ACTR3C: variants seen among roughly 807,000 people sequenced by gnomAD.
The protein encoded by ACTR3C is actin related protein 3C.
A neutral mutation model predicts 26.3 loss-of-function variants in ACTR3C; 18 were observed. The ratio of observed to expected loss-of-function variants is 0.68; its 90% CI spans 0.47 to 1.01. The LOEUF is 1.01. Ranked by LOEUF, ACTR3C falls within the 50% of genes least tolerant of loss-of-function variation. The pLI is 0.00. For synonymous variants in ACTR3C, 55 were observed against 94.5 expected, an observed-to-expected ratio of 0.58 and a Z score of 2.42; for missense variants, 184 against 250.7, an observed-to-expected ratio of 0.73 and a Z score of 1.80.
At chr7:150,021,019 C>T in the ACTR3C span, among the ~76,000 whole-genome samples, 1 of 152,024 alleles carries the variant, frequency 6.6e-6, no homozygotes, top group Non-Finnish European at 1.5e-5. Flanking sequence ...CAGGGTTTCA[C>T]CGTTTTGGCG....
the ACTR3C span, chr7:150,001,039 C>G: frequency 6.6e-6 from 1 of 152,554 alleles, no homozygotes; most frequent in African/African-American, 2.4e-5. Flanking sequence ...AATGGCAGCG[C>G]CAGAGCCGTG....
At chr7:150,036,960 C>T in the ACTR3C span, among the ~76,000 whole-genome samples, 7 of 75,372 alleles carry the variant, frequency 9.3e-5, no homozygotes, top group East Asian at 3.2e-4. Flanking sequence ...GAACCAGGGG[C>T]TGGCTCTCAG....
Position 150,312,406 on chromosome 7 carries a change from T to A in ACTR3C, c.-52+11063A>T, listed in dbSNP as rs530044589. Among the ~76,000 whole-genome samples the A allele has an allele frequency of 2.0e-5, 3 of 152,356 alleles. No individual in the cohort carries two copies. The South Asian group carries it at 6.2e-4, about 32-fold the overall frequency. On this transcript the variant is annotated intron_variant, in intron 1 of 7. Coordinates refer to ENST00000683684, the MANE Select transcript of ACTR3C (RefSeq NM_001164458.2). ...TCACACCTATGGGAAAAGGGTAATA[T>A]AATAGATCATTGGCTTAACAACAGG...
At chr7:150,289,353 G>C (rs554030619) in intron 4 of ACTR3C, 97 bp downstream of exon 4, 18 of 1,446,768 alleles carry the variant, frequency 1.2e-5, no homozygotes, top group Non-Finnish European at 1.6e-5. Flanking sequence ...AAGGGGAGAG[G>C]ATGGAAAGGA....
chr7:150,308,594 C>A (rs1260942462), intron 1 of ACTR3C, among the ~76,000 whole-genome samples: 1 of 152,106 alleles, frequency 6.6e-6, no homozygotes, highest in East Asian at 1.9e-4. Context: ...TCTACCCCAA[C>A]CTCAGAGTCT....
the ACTR3C span, among the ~76,000 whole-genome samples, chr7:149,911,457 G>T: frequency 6.6e-6 from 1 of 152,024 alleles, no homozygotes; most frequent in Non-Finnish European, 1.5e-5. Context: ...ACTGGCACAT[G>T]GCAAATACTC....
At chr7:150,305,369 T>A (rs1350047530) in intron 1 of ACTR3C, among the ~76,000 whole-genome samples, 1 of 152,140 alleles carries the variant, frequency 6.6e-6, no homozygotes, top group Non-Finnish European at 1.5e-5. Context: ...TCACCTCACA[T>A]GGGGTCATCT....
the ACTR3C span, among the ~76,000 whole-genome samples, chr7:149,990,007 C>T: frequency 6.6e-6 from 1 of 152,224 alleles, no homozygotes; most frequent in Non-Finnish European, 1.5e-5. Context: ...TGAAAGCACT[C>T]GGCGTCAGTG....
the ACTR3C span, among the ~76,000 whole-genome samples, chr7:149,981,762 G>A: frequency 2.0e-5 from 3 of 152,114 alleles, no homozygotes; most frequent in African/African-American, 4.8e-5. Context: ...GGGGCAGCCC[G>A]AGAGAGCTGG....
the ACTR3C span, among the ~76,000 whole-genome samples, chr7:149,913,885 C>CT: frequency 0.4 from 29,882 of 74,514 alleles, 6,061 homozygotes; most frequent in South Asian, 0.57. Context: ...CTCATATGTC[C>CT]CTTTTTTTTT....
At chr7:150,097,376 A>G in the ACTR3C span, among the ~76,000 whole-genome samples, 1 of 151,562 alleles carries the variant, frequency 6.6e-6, no homozygotes, top group African/African-American at 2.4e-5. Context: ...GTTATTGGGG[A>G]CACACACATT....
At chr7:149,983,124 A>ATG in the ACTR3C span, among the ~76,000 whole-genome samples, 1 of 152,180 alleles carries the variant, frequency 6.6e-6, no homozygotes, top group African/African-American at 2.4e-5. Context: ...ACAACTCAAA[A>ATG]TATATTAAAG....
the ACTR3C span, among the ~76,000 whole-genome samples, chr7:150,069,874 G>A: frequency 1.3e-5 from 2 of 150,856 alleles, no homozygotes; most frequent in East Asian, 3.9e-4. Context: ...TGTGTGAGTA[G>A]TCACCAGGGA....
chr7:150,071,271 C>T, the ACTR3C span, among the ~76,000 whole-genome samples: 12 of 151,188 alleles, frequency 7.9e-5, no homozygotes, highest in African/African-American at 2.9e-4. Flanking sequence ...CTACAGGCGC[C>T]CGCCACCGCG....
At chr7:150,031,437 A>G in the ACTR3C span, among the ~76,000 whole-genome samples, 3 of 152,078 alleles carry the variant, frequency 2.0e-5, no homozygotes, top group Non-Finnish European at 4.4e-5. Flanking sequence ...GCTTCTTAGG[A>G]GGATAAAACA....
the ACTR3C span, chr7:150,002,689 C>T: frequency 7.6e-4 from 115 of 152,288 alleles, no homozygotes; most frequent in African/African-American, 2.7e-3. Flanking sequence ...AGCTAGGATT[C>T]AATATACATA....
At chr7:150,317,431 C>T (rs1047661516) in intron 1 of ACTR3C, among the ~76,000 whole-genome samples, 2 of 152,182 alleles carry the variant, frequency 1.3e-5, no homozygotes, top group African/African-American at 4.8e-5. Flanking sequence ...TAAACCCACA[C>T]ACCTTACTGA....
At chr7:150,017,777 T>G in the ACTR3C span, among the ~76,000 whole-genome samples, 1 of 150,096 alleles carries the variant, frequency 6.7e-6, no homozygotes, top group East Asian at 1.9e-4. Context: ...GTCCCCAGAA[T>G]CACTCACTCT....
At chr7:150,145,184 C>T in the ACTR3C span, among the ~76,000 whole-genome samples, 2 of 149,838 alleles carry the variant, frequency 1.3e-5, no homozygotes, top group Non-Finnish European at 3.0e-5. Context: ...CTAACTTGGG[C>T]ATAAGCCAAC....
Sources: gnomAD v4.1 joint callset for allele counts (sites outside exome capture counted in the v4.1 genomes callset) on GRCh38, gnomAD v4.1.1 for gene constraint, MANE v1.5 for transcripts, NCBI Gene and HGNC (gene_info 2026-07-23, HGNC 2026-07-21) for gene names.